ALCAM: variants seen among roughly 807,000 people sequenced by gnomAD.
The protein encoded by ALCAM is activated leukocyte cell adhesion molecule.
Under a neutral mutation model 70.9 loss-of-function variants are expected in ALCAM, and 30 were observed. The ratio of observed to expected loss-of-function variants is 0.42; its 90% CI spans 0.32 to 0.57. The LOEUF (loss-of-function observed/expected upper bound fraction) is 0.57. ALCAM is among the 20% of genes least tolerant of loss of function. The pLI, the probability that ALCAM is intolerant of heterozygous loss-of-function variation, is 0.11. For missense variants in ALCAM, 591 were observed against 695.1 expected (o/e 0.85, Z 1.68); for synonymous variants, 249 against 242.5 (o/e 1.03, Z -0.25).
chr3:105,556,075 T>A (rs1022512639), intron 14 of ALCAM, among the ~76,000 whole-genome samples: 12 of 152,010 alleles, frequency 7.9e-5, no homozygotes, highest in African/African-American at 2.9e-4. Flanking sequence ...TCTACTATGT[T>A]TTCCATTTCT....
At chr3:105,477,948 G>A (rs1295893158) in intron 1 of ALCAM, among the ~76,000 whole-genome samples, 1 of 148,320 alleles carries the variant, frequency 6.7e-6, no homozygotes, top group Non-Finnish European at 1.5e-5. Context: ...TATATCTTCT[G>A]TATTAATTCA....
At chr3:105,427,629 T>TA (rs1936823302) in intron 1 of ALCAM, among the ~76,000 whole-genome samples, 1 of 151,904 alleles carries the variant, frequency 6.6e-6, no homozygotes, top group Non-Finnish European at 1.5e-5. Flanking sequence ...CAAGGGCTCT[T>TA]AACCCCTGAG....
chr3:105,538,611 A>T (rs144017404), intron 6 of ALCAM, among the ~76,000 whole-genome samples: 3 of 152,226 alleles, frequency 2.0e-5, no homozygotes, highest in Middle Eastern at 6.8e-3. Context: ...TGTTGTGTCA[A>T]CCTTGATCAG....
chr3:105,565,761 G>A (rs905944090), intron 14 of ALCAM, among the ~76,000 whole-genome samples: 1 of 152,120 alleles, frequency 6.6e-6, no homozygotes, highest in African/African-American at 2.4e-5. Context: ...TTTGGAGCTT[G>A]GTTTTAAACT....
chr3:105,456,137 G>A (rs1331560611), intron 1 of ALCAM, among the ~76,000 whole-genome samples: 4 of 152,176 alleles, frequency 2.6e-5, no homozygotes, highest in African/African-American at 7.2e-5. Context: ...TGTGATTGCA[G>A]ACCTGCCCTG....
intron 1 of ALCAM, among the ~76,000 whole-genome samples, chr3:105,409,031 A>C (rs1289699008): frequency 6.6e-6 from 1 of 152,220 alleles, no homozygotes; most frequent in East Asian, 1.9e-4. Context: ...GACCATAATC[A>C]AAAAATTAAA....
At chr3:105,531,010 A>G (rs1262647429) in intron 3 of ALCAM, among the ~76,000 whole-genome samples, 2 of 152,076 alleles carry the variant, frequency 1.3e-5, no homozygotes, top group East Asian at 3.8e-4. Flanking sequence ...ATAAGACTAT[A>G]AAAGAAAAAG....
At chr3:105,472,881 A>G (rs1042155860) in intron 1 of ALCAM, among the ~76,000 whole-genome samples, 1 of 151,590 alleles carries the variant, frequency 6.6e-6, no homozygotes, top group Non-Finnish European at 1.5e-5. Flanking sequence ...AACTCAAAAT[A>G]TAATTAGCAT....
At chr3:105,571,808 C>A in intron 14 of ALCAM, 44 bp from the exon 15 acceptor site, 2 of 1,314,648 alleles carry the variant, frequency 1.5e-6, no homozygotes, top group South Asian at 1.4e-5. Context: ...AAAAGTTGAA[C>A]ATGTATGTGT....
chr3:105,450,274 T>A (rs7641185), intron 1 of ALCAM, among the ~76,000 whole-genome samples: 6 of 151,874 alleles, frequency 4.0e-5, no homozygotes, highest in Admixed American at 6.6e-5. Flanking sequence ...CTTTTCTTCC[T>A]TTTCTCTTAC....
intron 1 of ALCAM, among the ~76,000 whole-genome samples, chr3:105,436,489 G>A (rs191827354): frequency 1.9e-4 from 29 of 151,848 alleles, no homozygotes; most frequent in Non-Finnish European, 5.9e-5. Context: ...CACCACACCC[G>A]GCTAATTTTT....
At chr3:105,398,724 C>G (rs1247809009) in intron 1 of ALCAM, among the ~76,000 whole-genome samples, 1 of 152,066 alleles carries the variant, frequency 6.6e-6, no homozygotes, top group African/African-American at 2.4e-5. Context: ...AAACCATTAA[C>G]CATAGCATGT....
chr3:105,478,134 CT>C (rs1938171760), intron 1 of ALCAM, among the ~76,000 whole-genome samples: 1 of 151,830 alleles, frequency 6.6e-6, no homozygotes, highest in Non-Finnish European at 1.5e-5. Context: ...TTATCGTATC[CT>C]TGACATTTTC....
chr3:105,480,349 C>T (rs1176399478), intron 1 of ALCAM, among the ~76,000 whole-genome samples: 1 of 147,296 alleles, frequency 6.8e-6, no homozygotes. Context: ...AAGATGTTGT[C>T]TCAATAAATA....
At chr3:105,512,260 T>C (rs568976215) in intron 1 of ALCAM, among the ~76,000 whole-genome samples, 2 of 152,156 alleles carry the variant, frequency 1.3e-5, no homozygotes, top group South Asian at 4.1e-4. Context: ...TGTGAGTTCT[T>C]TCTGAAGACA....
At chr3:105,401,283 C>T (rs879629099) in intron 1 of ALCAM, among the ~76,000 whole-genome samples, 2 of 152,146 alleles carry the variant, frequency 1.3e-5, no homozygotes, top group Non-Finnish European at 2.9e-5. Context: ...CTGTAATTTA[C>T]GTCTAGTATT....
intron 6 of ALCAM, among the ~76,000 whole-genome samples, chr3:105,538,312 T>C (rs954909794): frequency 2.6e-5 from 4 of 152,144 alleles, no homozygotes; most frequent in Admixed American, 6.6e-5. Flanking sequence ...ACATGGTGAC[T>C]GAATGGATAA....
At chr3:105,467,882 T>C (rs758308896) in intron 1 of ALCAM, among the ~76,000 whole-genome samples, 2 of 151,302 alleles carry the variant, frequency 1.3e-5, no homozygotes, top group Admixed American at 1.3e-4. Context: ...CAAGCACTTA[T>C]AAAACTTCTT....
At chr3:105,474,697 T>A (rs757726877) in intron 1 of ALCAM, among the ~76,000 whole-genome samples, 30 of 151,802 alleles carry the variant, frequency 2.0e-4, no homozygotes, top group Non-Finnish European at 4.4e-4. Flanking sequence ...GTAAGTGAGA[T>A]CCATCTACTA....
Sources: allele counts gnomAD v4.1 joint callset (sites outside exome capture counted in the v4.1 genomes callset), GRCh38; gene constraint gnomAD v4.1.1; transcripts MANE v1.5; gene names NCBI Gene and HGNC (gene_info 2026-07-23, HGNC 2026-07-21).